Variants in NAV2 observed in about 807,000 individuals in gnomAD.
NAV2 encodes neuron navigator 2, also known as helicase, APC down-regulated 1.
Under a neutral mutation model 223.2 loss-of-function variants are expected in NAV2, and 54 were observed. The ratio of observed to expected loss-of-function variants is 0.24; its 90% CI spans 0.19 to 0.30. NAV2 has a LOEUF of 0.30. NAV2 is among the 10% of genes least tolerant of loss of function. The probability of loss-of-function intolerance (pLI) is 1.00; values close to 1 mark genes in which losing one functional copy is unlikely to be tolerated. For synonymous variants in NAV2, 1,279 were observed against 1,239.3 expected (o/e 1.03, Z -0.67); for missense variants, 2,806 against 3,147.5 (o/e 0.89, Z 2.60).
chr11:19,972,014 C>G (rs2049296763), intron 10 of NAV2, among the ~76,000 whole-genome samples: 1 of 152,090 alleles, frequency 6.6e-6, no homozygotes, highest in Non-Finnish European at 1.5e-5. Flanking sequence ...AAACTTTTTT[C>G]TTTTTAGATG....
chr11:19,884,375 C>G (rs753108624), intron 5 of NAV2: 1 of 1,608,532 alleles, frequency 6.2e-7, no homozygotes, highest in Admixed American at 1.7e-5. Context: ...TAGACTTTCT[C>G]TGTGTCCTGC....
At chr11:19,481,374 G>A (rs753842112) in intron 1 of NAV2, among the ~76,000 whole-genome samples, 17 of 152,168 alleles carry the variant, frequency 1.1e-4, no homozygotes, top group Admixed American at 2.0e-4. Context: ...CACCCCAGGT[G>A]AGGACATCTA....
chr11:19,425,634 A>G (rs1850797308), intron 1 of NAV2, among the ~76,000 whole-genome samples: 1 of 152,232 alleles, frequency 6.6e-6, no homozygotes, highest in Admixed American at 6.5e-5. Flanking sequence ...ACATTATACA[A>G]TGGAAAGGTT....
chr11:19,652,279 C>T (rs1387397692), intron 1 of NAV2, among the ~76,000 whole-genome samples: 1 of 152,112 alleles, frequency 6.6e-6, no homozygotes, highest in Non-Finnish European at 1.5e-5. Context: ...CATTCCAGGG[C>T]TGCTCCGGTC....
chr11:19,389,317 T>C (rs1247828579), intron 1 of NAV2, among the ~76,000 whole-genome samples: 1 of 152,222 alleles, frequency 6.6e-6, no homozygotes. Flanking sequence ...AGATAGAGAC[T>C]TCAGTCTTAT....
At chr11:19,477,389 T>A (rs2702722) in intron 1 of NAV2, among the ~76,000 whole-genome samples, 100,934 of 152,116 alleles carry the variant, frequency 0.66, 33,525 homozygotes, top group Admixed American at 0.71. Flanking sequence ...TGAAACAGTT[T>A]ATCAGCAAGG....
chr11:19,466,606 C>A (rs1453584861), intron 1 of NAV2, among the ~76,000 whole-genome samples: 4 of 152,192 alleles, frequency 2.6e-5, no homozygotes, highest in Non-Finnish European at 4.4e-5. Context: ...AATGCACTGA[C>A]ACTTGCTTAT....
Position 20,092,200 on chromosome 11 carries a change from T to C in NAV2, c.5653-6T>C. On this transcript the variant is annotated splice_region_variant and splice_polypyrimidine_tract_variant and intron_variant, in intron 27 of 37. Coordinates refer to ENST00000349880, the MANE Select transcript of NAV2 (RefSeq NM_145117.5). ...ACTAAGGGAGCTTCTCCATTACTCTTTGCAGAGTGAAATAGAGAAGCTGAA... is the reference window on the plus strand; with the variant it reads ...ACTAAGGGAGCTTCTCCATTACTCTCTGCAGAGTGAAATAGAGAAGCTGAA... 6.2e-7 allele frequency: 1 copy of C among 1,613,624 alleles called. No individual in the cohort carries two copies. The highest frequency in any genetic ancestry group is 8.5e-7 in the Non-Finnish European group (1 of 1,179,504).
chr11:19,599,904 A>G (rs2046309228), intron 1 of NAV2, among the ~76,000 whole-genome samples: 2 of 152,176 alleles, frequency 1.3e-5, no homozygotes, highest in South Asian at 4.1e-4. Context: ...CTCAATGGGT[A>G]TATCTCTTCC....
intron 1 of NAV2, among the ~76,000 whole-genome samples, chr11:19,391,889 A>G (rs1473405132): frequency 6.6e-6 from 1 of 152,190 alleles, no homozygotes; most frequent in Non-Finnish European, 1.5e-5. Context: ...CATCAGCTCA[A>G]CTCGCAGGGA....
intron 36 of NAV2, 119 bp downstream of exon 36, chr11:20,107,901 C>T: frequency 1.4e-6 from 1 of 733,922 alleles, no homozygotes; most frequent in Admixed American, 2.0e-5. Flanking sequence ...AACCCCTCAC[C>T]TGGGAGTTCA....
intron 20 of NAV2, among the ~76,000 whole-genome samples, chr11:20,067,849 T>C (rs1005206987): frequency 4.6e-5 from 7 of 151,984 alleles, no homozygotes; most frequent in African/African-American, 7.2e-5. Context: ...TGTATTTTTG[T>C]TTACTAAATC....
At chr11:19,377,259 T>A (rs1454164183) in intron 1 of NAV2, among the ~76,000 whole-genome samples, 2 of 152,304 alleles carry the variant, frequency 1.3e-5, no homozygotes, top group Non-Finnish European at 2.9e-5. Context: ...AAGGGTGCTA[T>A]CTATGTCTTC....
At chr11:19,441,858 C>T (rs1851415408) in intron 1 of NAV2, among the ~76,000 whole-genome samples, 1 of 152,170 alleles carries the variant, frequency 6.6e-6, no homozygotes, top group Admixed American at 6.5e-5. Flanking sequence ...CAAGCATTAG[C>T]ACGTATTCAA....
chr11:19,656,526 G>T (rs1211310066), intron 1 of NAV2, among the ~76,000 whole-genome samples: 18 of 152,224 alleles, frequency 1.2e-4, no homozygotes, highest in South Asian at 2.1e-4. Flanking sequence ...AGGCTTGAAG[G>T]TCATGTTAAA....
rs565472446 is a variant in NAV2 at position 19,744,783 on chromosome 11, C to T, written c.267+30821C>T. 3.9e-5 allele frequency among the ~76,000 whole-genome samples: 6 copies of T among 152,288 alleles called. No homozygotes were observed. The East Asian group carries it at 1.2e-3, about 29-fold the overall frequency. On this transcript the variant is annotated intron_variant, in intron 1 of 37. Transcript: ENST00000349880. The stretch of plus-strand genomic sequence containing the variant: ...ACCATCCTCACCATCCTACAGAGGT[C>T]TTCTTTCATGCATCATCATCTCTTA...
At chr11:19,542,826 G>A (rs2044376054) in intron 1 of NAV2, among the ~76,000 whole-genome samples, 1 of 152,216 alleles carries the variant, frequency 6.6e-6, no homozygotes, top group Non-Finnish European at 1.5e-5. Context: ...AGAGCCAGGA[G>A]GTCCGCCTGA....
rs142597805 is a variant in NAV2 at position 19,399,221 on chromosome 11, A to G, written c.75+48194A>G. The stretch of plus-strand genomic sequence containing the variant: ...CTGTGTCTTAGGCTGAGTGTCCGTG[A>G]TGAATTTTGCAAGAAAAAAATCAGA... On this transcript the variant is annotated intron_variant, in intron 1 of 37. Transcript: ENST00000360655. Among the ~76,000 whole-genome samples, 274 of 152,246 alleles carry G rather than the reference A, an allele frequency of 1.8e-3. 1 individual carries two copies. Among genetic ancestry groups the G allele is most frequent in the African/African-American group, 6.1e-3 (253 of 41,542 alleles).
intron 1 of NAV2, among the ~76,000 whole-genome samples, chr11:19,522,224 G>T (rs976520174): frequency 1.3e-5 from 2 of 151,884 alleles, no homozygotes; most frequent in African/African-American, 4.8e-5. Flanking sequence ...CAGCAAGAAG[G>T]TGGGAGACAG....
Sources: gnomAD v4.1 joint callset for allele counts (sites outside exome capture counted in the v4.1 genomes callset) on GRCh38, gnomAD v4.1.1 for gene constraint, MANE v1.5 for transcripts, NCBI Gene and HGNC (gene_info 2026-07-23, HGNC 2026-07-21) for gene names.